TRIO: variants seen among roughly 807,000 people sequenced by gnomAD.
TRIO encodes the protein trio Rho guanine nucleotide exchange factor.
TRIO carries 58 observed loss-of-function variants against 351.9 expected under a neutral mutation model. The ratio of observed to expected loss-of-function variants is 0.16; its 90% CI spans 0.13 to 0.21. The LOEUF (loss-of-function observed/expected upper bound fraction) is 0.21, where lower values mean the gene tolerates loss of function less well. Among genes scored for constraint, TRIO ranks in the 10% least tolerant of loss-of-function variants. The pLI is 1.00. For missense variants in TRIO, 3,201 were observed against 4,027.8 expected (o/e 0.79, Z 5.56); for synonymous variants, 1,758 against 1,595.7 (o/e 1.10, Z -2.42).
At chr5:14,218,896 C>T (rs1792398224) in intron 1 of TRIO, among the ~76,000 whole-genome samples, 1 of 152,240 alleles carries the variant, frequency 6.6e-6, no homozygotes. Context: ...AGTGGGATCC[C>T]TGTGCCGCTG....
Position 14,487,764 on chromosome 5 carries a change from C to T in TRIO, c.7136C>T (p.Pro2379Leu), listed in dbSNP as rs781081298. 3 of 1,376,588 alleles carry T rather than the reference C, an allele frequency of 2.2e-6. No homozygotes were observed. Among genetic ancestry groups the T allele is most frequent in the African/African-American group, 3.1e-5 (2 of 64,748 alleles). The allele number at this position is 1,376,588 out of a possible 1,614,324, so 85.3% of individuals were successfully genotyped here. A position where few individuals can be genotyped will look rare whatever the true frequency, so the allele number is the denominator to read the frequency against. Residue 2379 changes from proline to leucine, a missense_variant, in exon 48 of 57, where the codon CCT (proline) becomes CTT (leucine). Pro to Leu is a moderately conservative substitution (Grantham distance 98). Transcript: ENST00000344204. Reference protein sequence around the residue: ...TSTPGPSLPPPGAAPEAGPSA... With the variant: ...TSTPGPSLPPLGAAPEAGPSA... The stretch of plus-strand genomic sequence containing the variant: ...ACCCCCGGGCCCTCCCTGCCTCCCC[C>T]TGGCGCGGCCCCCGAGGCCGGCCCC...
chr5:14,480,840 CG>C (rs1755460812), intron 43 of TRIO, among the ~76,000 whole-genome samples: 1 of 152,096 alleles, frequency 6.6e-6, no homozygotes, highest in Non-Finnish European at 1.5e-5. Context: ...CCTGTAGACC[CG>C]GCTACTTGGG....
chr5:14,471,380 C>G lies in TRIO; in HGVS notation c.5826C>G (p.Phe1942Leu). The G allele has an allele frequency of 6.2e-7, 1 of 1,614,186 alleles. No individual in the cohort carries two copies. Among genetic ancestry groups the G allele is most frequent in the African/African-American group, 1.3e-5 (1 of 75,064 alleles). ...VDQGDSSSPSFNPSDNSLLSS... is the reference protein window; with the variant it reads ...VDQGDSSSPSLNPSDNSLLSS... ...AGGGAGATAGTAGCAGCCCTTCCTTCAACCCTTCGGATAATTCCCTTCTCT... is the reference window on the plus strand; with the variant it reads ...AGGGAGATAGTAGCAGCCCTTCCTTGAACCCTTCGGATAATTCCCTTCTCT... Residue 1942 changes from phenylalanine to leucine, a missense_variant, in exon 38 of 57, where the codon TTC becomes TTG. This residue lies in a region of TRIO where 307 missense variants were observed against 396.5 expected (regional missense o/e 0.77). Transcript: ENST00000344204.
intron 56 of TRIO, 53 bp from the exon 57 acceptor site, chr5:14,507,827 A>G: frequency 1.3e-6 from 2 of 1,567,978 alleles, no homozygotes; most frequent in Non-Finnish European, 1.7e-6. Flanking sequence ...CATCATCACG[A>G]GTAAGCTTAA....
At position 14,342,477 on chromosome 5, in the gene TRIO, C is replaced by T. The variant is rs892590792; in HGVS notation, c.2046+5750C>T. Among the ~76,000 whole-genome samples, 5 of 152,334 alleles carry T rather than the reference C, an allele frequency of 3.3e-5. No homozygotes were observed. The East Asian group carries it at 7.7e-4, about 23-fold the overall frequency. Reference sequence around the variant, plus strand: ...TCAGTGGTTCCAGTGCAGGGCCTGTCACTAAACAGGCCTCACTTCCTCCTT... The same window carrying T: ...TCAGTGGTTCCAGTGCAGGGCCTGTTACTAAACAGGCCTCACTTCCTCCTT... On this transcript the variant is annotated intron_variant, in intron 11 of 56. Coordinates refer to ENST00000344204, the MANE Select transcript of TRIO (RefSeq NM_007118.4).
intron 1 of TRIO, among the ~76,000 whole-genome samples, chr5:14,192,045 G>A (rs1790488680): frequency 6.6e-6 from 1 of 152,156 alleles, no homozygotes; most frequent in African/African-American, 2.4e-5. Flanking sequence ...AGGAGATAAT[G>A]TAGTTGCATT....
chr5:14,216,913 A>G (rs1323190546), intron 1 of TRIO, among the ~76,000 whole-genome samples: 3 of 152,192 alleles, frequency 2.0e-5, no homozygotes, highest in African/African-American at 4.8e-5. Context: ...GGGAGCTGAC[A>G]TTGGAATCTA....
At chr5:14,396,283 G>A (rs1415161401) in intron 28 of TRIO, among the ~76,000 whole-genome samples, 6 of 151,866 alleles carry the variant, frequency 4.0e-5, no homozygotes, top group Admixed American at 3.9e-4. Flanking sequence ...CTGCTGCGTG[G>A]ATTGGCTGGT....
intron 1 of TRIO, among the ~76,000 whole-genome samples, chr5:14,228,851 AC>A (rs1382524802): frequency 2.0e-5 from 3 of 152,162 alleles, no homozygotes; most frequent in Admixed American, 2.0e-4. Flanking sequence ...AGCCTGGGTG[AC>A]AGAGTGAGAC....
At chr5:14,358,451 G>A in intron 12 of TRIO, 104 bp downstream of exon 12, 1 of 1,381,070 alleles carries the variant, frequency 7.2e-7, no homozygotes. Context: ...TCTCTGTCCA[G>A]CTGAGTGCAG....
chr5:14,304,172 C>G (rs145835965), intron 7 of TRIO, among the ~76,000 whole-genome samples: 215 of 152,228 alleles, frequency 1.4e-3, no homozygotes, highest in African/African-American at 4.8e-3. Context: ...ATGCCCAAAA[C>G]AGGGCTGCAT....
At chr5:14,432,976 A>G (rs574983957) in intron 34 of TRIO, among the ~76,000 whole-genome samples, 2 of 152,336 alleles carry the variant, frequency 1.3e-5, no homozygotes, top group African/African-American at 4.8e-5. Context: ...TTGGCAGTCA[A>G]GAGTTAGCTA....
At position 14,328,523 on chromosome 5, in the gene TRIO, A is replaced by G. The variant is rs1740614329; in HGVS notation, c.1732-2255A>G. Among the ~76,000 whole-genome samples, 5 of 152,398 alleles carry G rather than the reference A, an allele frequency of 3.3e-5. No individual in the cohort carries two copies. The South Asian group carries it at 8.3e-4, about 25-fold the overall frequency. On this transcript the variant is annotated intron_variant, in intron 9 of 56. Coordinates refer to ENST00000344204, the MANE Select transcript of TRIO (RefSeq NM_007118.4). ...AAATAATGCGCTCAATACGCCAGTTAAAACAATGGACTCAATACTCTAGTT... is the reference window on the plus strand; with the variant it reads ...AAATAATGCGCTCAATACGCCAGTTGAAACAATGGACTCAATACTCTAGTT...
At chr5:14,297,857 GCTC>G (rs1440444206) in intron 7 of TRIO, among the ~76,000 whole-genome samples, 1 of 152,192 alleles carries the variant, frequency 6.6e-6, no homozygotes, top group Non-Finnish European at 1.5e-5. Context: ...CCACGCACCA[GCTC>G]CTCCTCAGCC....
chr5:14,152,411 C>G (rs1020890701), intron 1 of TRIO, among the ~76,000 whole-genome samples: 2 of 152,202 alleles, frequency 1.3e-5, no homozygotes, highest in African/African-American at 4.8e-5. Flanking sequence ...CGCTCTGTCA[C>G]CCAGGCTGGA....
intron 3 of TRIO, among the ~76,000 whole-genome samples, chr5:14,282,086 G>A (rs972420210): frequency 6.6e-6 from 1 of 152,148 alleles, no homozygotes; most frequent in Non-Finnish European, 1.5e-5. Flanking sequence ...TATCCTTTAT[G>A]AGAAAACTAT....
chr5:14,323,519 C>G lies in TRIO; in HGVS notation c.1731+6776C>G, dbSNP rs78609797. Among the ~76,000 whole-genome samples, 5 of 35,118 alleles carry G rather than the reference C, an allele frequency of 1.4e-4. No individual in the cohort carries two copies. In the South Asian group the frequency reaches 1.4e-3, roughly 10 times the overall value. 23.0% of individuals were successfully genotyped at this position (35,118 alleles called of 152,430 possible). On this transcript the variant is annotated intron_variant, in intron 9 of 56. Coordinates refer to ENST00000344204, the MANE Select transcript of TRIO (RefSeq NM_007118.4). The stretch of plus-strand genomic sequence containing the variant: ...ATGAAGGAAAACAGCCACTTAAGAA[C>G]AGAGAGAGAGAGGAGTTTAGTCCTT...
chr5:14,169,264 G>A (rs915793457), intron 1 of TRIO, among the ~76,000 whole-genome samples: 2 of 140,048 alleles, frequency 1.4e-5, no homozygotes, highest in African/African-American at 5.4e-5. Context: ...TTTACATCAC[G>A]TTCTTCCTCA....
At chr5:14,449,660 A>C (rs142084400) in intron 34 of TRIO, among the ~76,000 whole-genome samples, 188 of 152,354 alleles carry the variant, frequency 1.2e-3, no homozygotes, top group African/African-American at 4.4e-3. Context: ...TGTTCCGTTC[A>C]GGACATGTAT....
Sources: allele counts gnomAD v4.1 joint callset (sites outside exome capture counted in the v4.1 genomes callset), GRCh38; gene constraint gnomAD v4.1.1; regional missense constraint gnomAD v4.1.1; transcripts MANE v1.5; gene names NCBI Gene and HGNC (gene_info 2026-07-23, HGNC 2026-07-21).